The following ERGIC1 variants were observed in gnomAD, a reference collection of about 807,000 sequenced individuals.
ERGIC1 encodes endoplasmic reticulum-Golgi intermediate compartment protein 1.
ERGIC1 carries 19 observed loss-of-function variants against 38.3 expected under a neutral mutation model. The observed-to-expected ratio is 0.50, with a 90% CI of 0.35 to 0.73. The LOEUF is 0.73. ERGIC1 is among the 30% of genes least tolerant of loss of function. The pLI is 0.01. For synonymous variants in ERGIC1, 124 were observed against 157.6 expected (o/e 0.79, Z 1.60); for missense variants, 294 against 389.2 (o/e 0.76, Z 2.06).
At chr5:172,874,515 GC>G (rs1459634580) in intron 1 of ERGIC1, among the ~76,000 whole-genome samples, 1 of 152,166 alleles carries the variant, frequency 6.6e-6, no homozygotes, top group Non-Finnish European at 1.5e-5. Context: ...ACTTTTCTAG[GC>G]CCTGGTGATG....
At chr5:172,917,528 G>C (rs1028739950) in intron 5 of ERGIC1, 1 of 152,148 alleles carries the variant, frequency 6.6e-6, no homozygotes, top group Non-Finnish European at 1.5e-5. Context: ...GCGCCCCTCA[G>C]AGATTCTGAT....
rs1323765750 is a variant in ERGIC1, at chr5:172,915,246, G to T, written c.375+408G>T. On this transcript the variant is annotated intron_variant, in intron 5 of 9. Transcript: ENST00000393784. ...ACCCACTTCACAAAGTTTGTGTGGG[G>T]ATTAAATGAGCTAATGCAGATTCAT... 20 of 595,214 alleles carry T rather than the reference G, an allele frequency of 3.4e-5. No individual in the cohort carries two copies. In the South Asian group the frequency reaches 3.8e-4, roughly 11 times the overall value. The allele number at this position is 595,214 out of a possible 1,614,324, so 36.9% of individuals were successfully genotyped here. A position where few individuals can be genotyped will look rare whatever the true frequency, so the allele number is the denominator to read the frequency against.
In ERGIC1 at chr5:172,929,514, C is replaced by G. The variant is rs79368027; in HGVS notation, c.542-2922C>G. Among the ~76,000 whole-genome samples the G allele has an allele frequency of 5.3e-3, 810 of 152,146 alleles. 9 individuals carry two copies. Among genetic ancestry groups the G allele is most frequent in the African/African-American group, 0.019 (769 of 41,484 alleles). On this transcript the variant is annotated intron_variant, in intron 7 of 9. Coordinates refer to ENST00000393784, the MANE Select transcript of ERGIC1 (RefSeq NM_001031711.3). ...TGCAGTGTCTCCAGTGGGCATTTGG[C>G]AAATTGTATCAAAGGCCTTAAAAAT...
intron 9 of ERGIC1, among the ~76,000 whole-genome samples, chr5:172,942,779 G>A (rs1764039833): frequency 6.6e-6 from 1 of 152,222 alleles, no homozygotes; most frequent in Admixed American, 6.5e-5. Context: ...AGGCGGAAGA[G>A]GAACGTGAGA....
At chr5:172,931,857 CTTT>C (rs375589121) in intron 7 of ERGIC1, among the ~76,000 whole-genome samples, 4 of 123,080 alleles carry the variant, frequency 3.2e-5, no homozygotes, top group African/African-American at 9.3e-5. Context: ...AGCACCCACA[CTTT>C]TTTTTTTTTT....
intron 2 of ERGIC1, among the ~76,000 whole-genome samples, chr5:172,895,021 A>G (rs900464971): frequency 2.0e-5 from 3 of 152,254 alleles, no homozygotes; most frequent in African/African-American, 7.2e-5. Flanking sequence ...AATAATAGAG[A>G]TAACTGGCTG....
At chr5:172,867,337 G>A (rs761763824) in intron 1 of ERGIC1, 14 of 423,190 alleles carry the variant, frequency 3.3e-5, no homozygotes, top group Middle Eastern at 3.4e-4. Flanking sequence ...GGCCAAGGAC[G>A]ATTCATAGGA....
At chr5:172,935,400 C>T (rs1228335862) in intron 9 of ERGIC1, 90 bp downstream of exon 9, 21 of 1,560,690 alleles carry the variant, frequency 1.3e-5, no homozygotes, top group African/African-American at 2.7e-5. Flanking sequence ...CACCTGTTCT[C>T]GCTGAAACAG....
At chr5:172,883,933 A>C (rs767501127) in intron 1 of ERGIC1, among the ~76,000 whole-genome samples, 22 of 152,166 alleles carry the variant, frequency 1.4e-4, no homozygotes, top group Non-Finnish European at 2.9e-4. Context: ...GCAGTGAGTC[A>C]TCACATCACT....
chr5:172,856,285 C>T (rs1037785048), intron 1 of ERGIC1, among the ~76,000 whole-genome samples: 2 of 152,214 alleles, frequency 1.3e-5, no homozygotes, highest in African/African-American at 2.4e-5. Flanking sequence ...AACTTACTCA[C>T]AAGAAGCAAA....
At chr5:172,939,011 C>T (rs956817560) in intron 9 of ERGIC1, among the ~76,000 whole-genome samples, 6 of 151,244 alleles carry the variant, frequency 4.0e-5, no homozygotes, top group Non-Finnish European at 7.4e-5. Context: ...TGCAGTGAGC[C>T]GAGATCACGC....
intron 9 of ERGIC1, among the ~76,000 whole-genome samples, chr5:172,939,032 G>A (rs1223175879): frequency 6.6e-6 from 1 of 152,050 alleles, no homozygotes; most frequent in Non-Finnish European, 1.5e-5. Flanking sequence ...CACTGCACTC[G>A]GGTCTGGGCG....
At chr5:172,876,330 A>G (rs1754167320) in intron 1 of ERGIC1, among the ~76,000 whole-genome samples, 1 of 152,254 alleles carries the variant, frequency 6.6e-6, no homozygotes, top group African/African-American at 2.4e-5. Context: ...GTTATTCTAT[A>G]AAACAGAACG....
chr5:172,902,278 G>C (rs1160151538), intron 3 of ERGIC1, among the ~76,000 whole-genome samples: 1 of 152,192 alleles, frequency 6.6e-6, no homozygotes, highest in Non-Finnish European at 1.5e-5. Flanking sequence ...TGTTCTCACA[G>C]GCTCCCCGTA....
chr5:172,950,870 A>T lies in ERGIC1; in HGVS notation c.*54A>T. On this transcript the variant is annotated 3_prime_UTR_variant, in exon 10 of 10. Transcript: ENST00000393784. ...CCTGGGCATCGCCAGCCTTGCCTCCAGTGCCCTGTCTCCTTTGGCCCTCAA... is the reference window on the plus strand; with the variant it reads ...CCTGGGCATCGCCAGCCTTGCCTCCTGTGCCCTGTCTCCTTTGGCCCTCAA... The T allele has an allele frequency of 1.3e-6, 2 of 1,506,836 alleles. No individual in the cohort carries two copies. Among genetic ancestry groups the T allele is most frequent in the Admixed American group, 1.8e-5 (1 of 55,170 alleles). 93.3% of individuals were successfully genotyped at this position (1,506,836 alleles called of 1,614,324 possible). A position where few individuals can be genotyped will look rare whatever the true frequency, so the allele number is the denominator to read the frequency against.
chr5:172,908,062 A>C (rs1763080423), intron 3 of ERGIC1, among the ~76,000 whole-genome samples: 1 of 151,624 alleles, frequency 6.6e-6, no homozygotes, highest in Non-Finnish European at 1.5e-5. Context: ...CGGTCGACAG[A>C]ATAATGACCC....
chr5:172,835,919 C>T (rs1322374298), intron 1 of ERGIC1, among the ~76,000 whole-genome samples: 1 of 152,204 alleles, frequency 6.6e-6, no homozygotes, highest in East Asian at 1.9e-4. Context: ...AAGTCTGGGC[C>T]ATAAGAGCTG....
At chr5:172,912,974 G>A (rs1763244955) in intron 4 of ERGIC1, among the ~76,000 whole-genome samples, 1 of 152,084 alleles carries the variant, frequency 6.6e-6, no homozygotes, top group South Asian at 2.1e-4. Flanking sequence ...TCGCCATATT[G>A]GCCAGGCTGG....
rs1194820103 is a variant in ERGIC1, at chr5:172,950,852, A to C, written c.*36A>C. 16 of 1,569,696 alleles carry C rather than the reference A, an allele frequency of 1.0e-5. No individual in the cohort carries two copies. Among genetic ancestry groups the C allele is most frequent in the Non-Finnish European group, 1.4e-5 (16 of 1,148,034 alleles). On this transcript the variant is annotated 3_prime_UTR_variant, in exon 10 of 10. Transcript: ENST00000393784. ...AGCCTAATGGCCGAGGACCCTGGGCATCGCCAGCCTTGCCTCCAGTGCCCT... is the reference window on the plus strand; with the variant it reads ...AGCCTAATGGCCGAGGACCCTGGGCCTCGCCAGCCTTGCCTCCAGTGCCCT...
Sources: allele counts gnomAD v4.1 joint callset (sites outside exome capture counted in the v4.1 genomes callset), GRCh38; gene constraint gnomAD v4.1.1; transcripts MANE v1.5; gene names NCBI Gene and HGNC (gene_info 2026-07-23, HGNC 2026-07-21).